CUL1: variants seen among roughly 807,000 people sequenced by gnomAD.
CUL1 encodes cullin-1.
Under a neutral mutation model 118.0 loss-of-function variants are expected in CUL1, and 24 were observed. The ratio of observed to expected loss-of-function variants is 0.20; its 90% CI spans 0.15 to 0.29. CUL1 has a LOEUF of 0.29. Ranked by LOEUF, CUL1 falls within the 10% of genes least tolerant of loss-of-function variation. CUL1 has a pLI of 1.00. For missense variants in CUL1, 361 were observed against 933.8 expected (o/e 0.39, Z 7.99); for synonymous variants, 332 against 340.4 (o/e 0.98, Z 0.27).
At chr7:148,741,473 G>T (rs772283951) in intron 2 of CUL1, among the ~76,000 whole-genome samples, 2 of 152,218 alleles carry the variant, frequency 1.3e-5, no homozygotes, top group African/African-American at 2.4e-5. Context: ...ACAGAGTCTT[G>T]CTGTAATTCA....
chr7:148,790,897 A>G (rs1800981014), intron 16 of CUL1, among the ~76,000 whole-genome samples: 1 of 152,184 alleles, frequency 6.6e-6, no homozygotes, highest in Non-Finnish European at 1.5e-5. Context: ...CCTAATTTAT[A>G]CCTATGTAAC....
At chr7:148,790,075 G>A (rs547983858) in intron 15 of CUL1, among the ~76,000 whole-genome samples, 15 of 152,372 alleles carry the variant, frequency 9.8e-5, no homozygotes, top group African/African-American at 3.4e-4. Flanking sequence ...CTAATTAGTT[G>A]TGTAATGAAC....
chr7:148,730,152 C>G lies in CUL1; in HGVS notation c.30C>G (p.His10Gln). 6.2e-7 allele frequency: 1 copy of G among 1,614,054 alleles called. No individual in the cohort carries two copies. Among genetic ancestry groups the G allele is most frequent in the Non-Finnish European group, 8.5e-7 (1 of 1,179,966 alleles). Reference sequence around the variant, plus strand: ...CGTCAACCCGGAGCCAGAACCCCCACGGCCTGAAGCAGATTGGCCTGGACC... The same window carrying G: ...CGTCAACCCGGAGCCAGAACCCCCAGGGCCTGAAGCAGATTGGCCTGGACC... MSSTRSQNP[H>Q]GLKQIGLDQI... The change falls in exon 2 of 22, where the codon CAC becomes CAG. Residue 10 changes from histidine to glutamine, a missense_variant. Transcript: ENST00000325222.
chr7:148,729,742 C>T (rs534375849), intron 1 of CUL1, among the ~76,000 whole-genome samples: 2 of 152,156 alleles, frequency 1.3e-5, no homozygotes, highest in Non-Finnish European at 2.9e-5. Context: ...CAAACTTTTA[C>T]CCAGGTTTTC....
chr7:148,768,248 TC>T (rs1288403772), intron 9 of CUL1, among the ~76,000 whole-genome samples: 1 of 152,178 alleles, frequency 6.6e-6, no homozygotes, highest in Non-Finnish European at 1.5e-5. Flanking sequence ...GTAATTCAGG[TC>T]ATCTGTAATT....
intron 9 of CUL1, among the ~76,000 whole-genome samples, chr7:148,775,532 G>A (rs926521573): frequency 2.0e-5 from 3 of 152,184 alleles, no homozygotes; most frequent in African/African-American, 7.2e-5. Context: ...AGAAACAAAT[G>A]TGCAGGTTTT....
chr7:148,796,150 C>A (rs1019964087), intron 17 of CUL1, among the ~76,000 whole-genome samples: 1 of 152,154 alleles, frequency 6.6e-6, no homozygotes, highest in Non-Finnish European at 1.5e-5. Flanking sequence ...CTTTATCAGA[C>A]TAAAGAGGTT....
At chr7:148,737,562 A>G (rs1404029758) in intron 2 of CUL1, among the ~76,000 whole-genome samples, 2 of 140,774 alleles carry the variant, frequency 1.4e-5, no homozygotes, top group African/African-American at 5.5e-5. Flanking sequence ...GTGTGTGTAT[A>G]TATATATATT....
chr7:148,705,609 GA>G (rs1294786949), intron 1 of CUL1, among the ~76,000 whole-genome samples: 3 of 152,170 alleles, frequency 2.0e-5, no homozygotes, highest in African/African-American at 7.2e-5. Flanking sequence ...CAGAACGGGG[GA>G]AAAAGGCTGA....
intron 7 of CUL1, 120 bp from the exon 8 acceptor site, chr7:148,766,441 T>C: frequency 1.2e-6 from 1 of 846,430 alleles, no homozygotes; most frequent in Non-Finnish European, 1.8e-6. Context: ...CGCATTTTAT[T>C]AGAGCTGGCA....
chr7:148,772,950 C>T (rs1800264957), intron 9 of CUL1, among the ~76,000 whole-genome samples: 1 of 152,076 alleles, frequency 6.6e-6, no homozygotes, highest in South Asian at 2.1e-4. Flanking sequence ...AATTCCTCCT[C>T]CCTTGGCTCT....
intron 9 of CUL1, among the ~76,000 whole-genome samples, chr7:148,769,879 A>AG (rs1408767474): frequency 6.6e-6 from 1 of 152,164 alleles, no homozygotes; most frequent in Non-Finnish European, 1.5e-5. Context: ...AAAGGAAGAA[A>AG]GAAAAAAAAA....
chr7:148,746,264 T>C (rs1799306787), intron 2 of CUL1, among the ~76,000 whole-genome samples: 1 of 152,208 alleles, frequency 6.6e-6, no homozygotes, highest in Non-Finnish European at 1.5e-5. Context: ...AACTGCTACA[T>C]TGATTCATTG....
chr7:148,714,842 T>A (rs559645395), intron 1 of CUL1, among the ~76,000 whole-genome samples: 1 of 152,184 alleles, frequency 6.6e-6, no homozygotes, highest in South Asian at 2.1e-4. Flanking sequence ...GTTGTGAGAC[T>A]TCTGCTGTAA....
chr7:148,768,546 G>A (rs751653296), intron 9 of CUL1, among the ~76,000 whole-genome samples: 58 of 151,754 alleles, frequency 3.8e-4, no homozygotes, highest in Middle Eastern at 3.2e-3. Flanking sequence ...CACCATTCCC[G>A]GCTAATTTTT....
In CUL1 at chr7:148,788,637, A is replaced by G; in HGVS notation, c.1560A>G (p.Gln520=). The change falls in exon 14 of 22, where the codon CAA becomes CAG. Residue 520 remains glutamine (Q), a synonymous_variant. Coordinates refer to ENST00000325222, the MANE Select transcript of CUL1 (RefSeq NM_003592.3). ...GCGTGAGCAAAGATCTGAACGAGCA[A>G]TTCAAAAAGCACTTGACAAACTCAG... ...DIGVSKDLNE[Q]FKKHLTNSEP... 5.6e-6 allele frequency: 9 copies of G among 1,614,122 alleles called. No individual in the cohort carries two copies. The highest frequency in any genetic ancestry group is 1.3e-5 in the African/African-American group (1 of 75,070).
chr7:148,699,090 C>G lies in CUL1; in HGVS notation c.-162+61C>G, dbSNP rs1015671564. ...GGCGGCGGCGGCGGCGGCGCAGGCC[C>G]GGCCCCGAGCCGCGGTGTCGCAGTG... On this transcript the variant is annotated intron_variant, in intron 1 of 21. Coordinates refer to ENST00000325222, the MANE Select transcript of CUL1 (RefSeq NM_003592.3). 5 of 154,424 alleles carry G rather than the reference C, an allele frequency of 3.2e-5. No homozygotes were observed. The Admixed American group carries it at 3.3e-4, about 10-fold the overall frequency. 9.6% of individuals were successfully genotyped at this position (154,424 alleles called of 1,614,324 possible).
chr7:148,707,319 T>C (rs1287054659), intron 1 of CUL1, among the ~76,000 whole-genome samples: 3 of 152,114 alleles, frequency 2.0e-5, no homozygotes, highest in African/African-American at 7.2e-5. Flanking sequence ...TGAGTATGGT[T>C]ATAAGTTTAG....
chr7:148,699,641 C>T (rs1382677998), intron 1 of CUL1, among the ~76,000 whole-genome samples: 1 of 152,160 alleles, frequency 6.6e-6, no homozygotes, highest in African/African-American at 2.4e-5. Flanking sequence ...TTGTTGCGAA[C>T]GTGCAGGGCG....
Sources: gnomAD v4.1 joint callset for allele counts (sites outside exome capture counted in the v4.1 genomes callset) on GRCh38, gnomAD v4.1.1 for gene constraint, MANE v1.5 for transcripts, NCBI Gene and HGNC (gene_info 2026-07-23, HGNC 2026-07-21) for gene names.